Variants in TMC2 observed in about 807,000 individuals in gnomAD.
TMC2 encodes the protein transmembrane channel like 2, also known as transmembrane channel-like protein 2.
Under a neutral mutation model 105.9 loss-of-function variants are expected in TMC2, and 102 were observed. The observed-to-expected ratio is 0.96, with a 90% CI of 0.82 to 1.14. The LOEUF (loss-of-function observed/expected upper bound fraction) is 1.14, where lower values mean the gene tolerates loss of function less well. TMC2 is among the 50% of genes most tolerant of loss of function. The pLI is 0.00. For synonymous variants in TMC2, 402 were observed against 422.8 expected, an observed-to-expected ratio of 0.95 and a Z score of 0.60; for missense variants, 1,093 against 1,134.3, an observed-to-expected ratio of 0.96 and a Z score of 0.52.
chr20:2,608,751 T>A (rs1019761581), intron 11 of TMC2, among the ~76,000 whole-genome samples: 1 of 152,238 alleles, frequency 6.6e-6, no homozygotes, highest in African/African-American at 2.4e-5. Flanking sequence ...ATTTCAGGTA[T>A]GAGTTTAAAT....
At position 2,579,143 on chromosome 20, in the gene TMC2, C is replaced by G. The variant is rs1440132610; in HGVS notation, c.646-3C>G. 6.5e-7 allele frequency: 1 copy of G among 1,545,524 alleles called. No individual in the cohort carries two copies. The highest frequency in any genetic ancestry group is 1.1e-5 in the South Asian group (1 of 89,578). The stretch of plus-strand genomic sequence containing the variant: ...ACTGAGAGTTTTACGTCTTTTATTT[C>G]AGAAATGGGTCAAATTTAAGAGAGA... On this transcript the variant is annotated splice_polypyrimidine_tract_variant and splice_region_variant and intron_variant, in intron 5 of 19. Coordinates refer to ENST00000358864, the MANE Select transcript of TMC2 (RefSeq NM_080751.3).
intron 7 of TMC2, among the ~76,000 whole-genome samples, chr20:2,581,625 T>G (rs1478880723): frequency 2.6e-5 from 4 of 152,226 alleles, no homozygotes; most frequent in African/African-American, 9.6e-5. Context: ...TTCACAAAGC[T>G]CTTGGCTTTC....
Position 2,642,699 on chromosome 20 carries a change from C to T in TMC2, c.*1348C>T, listed in dbSNP as rs762149163. ...GCCTAGGTAGGGTGGGAGTCACAGT[C>T]CAGGACTCTGCAACAGCCCAGCTAT... On this transcript the variant is annotated 3_prime_UTR_variant, in exon 20 of 20. Transcript: ENST00000358864. Among the ~76,000 whole-genome samples the T allele has an allele frequency of 6.6e-6, 1 of 152,158 alleles. No homozygotes were observed. Among genetic ancestry groups the T allele is most frequent in the Non-Finnish European group, 1.5e-5 (1 of 68,026 alleles).
intron 2 of TMC2, among the ~76,000 whole-genome samples, chr20:2,548,825 C>T (rs2085939960): frequency 6.6e-6 from 1 of 151,966 alleles, no homozygotes; most frequent in Admixed American, 6.6e-5. Context: ...TAGTTAAGCA[C>T]AAATTTAGGT....
intron 19 of TMC2, among the ~76,000 whole-genome samples, chr20:2,638,113 G>A (rs559475902): frequency 2.6e-5 from 4 of 151,886 alleles, no homozygotes; most frequent in African/African-American, 7.3e-5. Context: ...AGGCCGACGC[G>A]GGCGGATCAC....
At chr20:2,601,981 G>C in intron 10 of TMC2, 132 bp from the exon 11 acceptor site, 1 of 573,498 alleles carries the variant, frequency 1.7e-6, no homozygotes. Flanking sequence ...ATAGGGCACA[G>C]GGCATTACAT....
At position 2,592,770 on chromosome 20, in the gene TMC2, C is replaced by T. The variant is rs2086278523; in HGVS notation, c.933+362C>T. On this transcript the variant is annotated intron_variant, in intron 8 of 19. Coordinates refer to ENST00000358864, the MANE Select transcript of TMC2 (RefSeq NM_080751.3). The surrounding 1 kb of genome is among the most constrained non-coding windows in gnomAD (Gnocchi z 4.9). ...CCCAAGTTTCACATGACATCTTCAA[C>T]TGAATGTCCTACTTGCTCTTCAAAT... is the stretch of plus-strand genomic sequence containing the variant. Among the ~76,000 whole-genome samples the T allele has an allele frequency of 6.6e-6, 1 of 152,202 alleles. No individual in the cohort carries two copies. The highest frequency in any genetic ancestry group is 6.5e-5 in the Admixed American group (1 of 15,284).
intron 17 of TMC2, 86 bp from the exon 18 acceptor site, chr20:2,635,840 C>A: frequency 9.3e-7 from 1 of 1,069,854 alleles, no homozygotes; most frequent in Non-Finnish European, 1.5e-6. Flanking sequence ...TTCCAGGAAT[C>A]CTGCCCTGAT....
chr20:2,541,198 A>G (rs2085887721), intron 2 of TMC2, among the ~76,000 whole-genome samples: 1 of 152,210 alleles, frequency 6.6e-6, no homozygotes, highest in Non-Finnish European at 1.5e-5. Flanking sequence ...TTGAGCTGTA[A>G]AATATTCCAC....
At chr20:2,591,937 T>C (rs2086272096) in intron 7 of TMC2, among the ~76,000 whole-genome samples, 1 of 152,144 alleles carries the variant, frequency 6.6e-6, no homozygotes, top group Admixed American at 6.5e-5. Flanking sequence ...GTGGATCACC[T>C]GAGGTCAGGG....
At chr20:2,603,934 A>T (rs1468458221) in intron 11 of TMC2, among the ~76,000 whole-genome samples, 1 of 151,866 alleles carries the variant, frequency 6.6e-6, no homozygotes, top group Non-Finnish European at 1.5e-5. Flanking sequence ...GCCAACTAGC[A>T]GTTCTTGAAT....
Position 2,624,316 on chromosome 20 carries a change from C to T in TMC2, c.2226C>T (p.Asn742=), listed in dbSNP as rs1304100769. The T allele has an allele frequency of 1.8e-5, 29 of 1,614,064 alleles. No individual in the cohort carries two copies. The highest frequency in any genetic ancestry group is 4.5e-5 in the East Asian group (2 of 44,892). Residue 742 remains asparagine (N), a synonymous_variant, in exon 17 of 20, where the codon AAC becomes AAT. Coordinates refer to ENST00000358864, the MANE Select transcript of TMC2 (RefSeq NM_080751.3). ...ATGTCCTCCAAGAGACCATTGAAAA[C>T]GATTTCCCAACCTTCCTGGGCAAGA... The part of the protein sequence containing the change: ...MYDVLQETIE[N]DFPTFLGKIF...
intron 4 of TMC2, among the ~76,000 whole-genome samples, chr20:2,564,505 C>T (rs138122767): frequency 3.3e-4 from 51 of 152,330 alleles, no homozygotes; most frequent in African/African-American, 1.2e-3. Flanking sequence ...TGGGCTCCTT[C>T]TCCTGCCAGC....
chr20:2,631,560 C>T (rs1285321764), intron 17 of TMC2, among the ~76,000 whole-genome samples: 1 of 152,212 alleles, frequency 6.6e-6, no homozygotes, highest in Non-Finnish European at 1.5e-5. Context: ...TAGTCTTTCT[C>T]TTTCAATCTT....
At chr20:2,626,397 G>C (rs137977074) in intron 17 of TMC2, among the ~76,000 whole-genome samples, 38 of 152,244 alleles carry the variant, frequency 2.5e-4, no homozygotes, top group African/African-American at 7.9e-4. Context: ...CTCACAAGCT[G>C]CTTGGGCTTC....
chr20:2,632,532 G>A (rs2086610747), intron 17 of TMC2, among the ~76,000 whole-genome samples: 1 of 151,922 alleles, frequency 6.6e-6, no homozygotes, highest in Non-Finnish European at 1.5e-5. Flanking sequence ...TTTTCCCCCT[G>A]TGTATGGGCC....
chr20:2,617,356 G>A (rs756885782), intron 16 of TMC2, 45 bp downstream of exon 16: 4 of 1,611,720 alleles, frequency 2.5e-6, no homozygotes, highest in Non-Finnish European at 3.4e-6. Context: ...TCCCGAGGCA[G>A]TCTGCTCAGA....
rs1263299961 is a variant in TMC2, at chr20:2,592,548, G to A, written c.933+140G>A. On this transcript the variant is annotated intron_variant, in intron 8 of 19. Transcript: ENST00000358864. This position sits in a 1 kb window ranked among gnomAD's most constrained non-coding sequence, Gnocchi z 4.9. Reference sequence around the variant, plus strand: ...TCCCAGCACTAAGCTAAATGAGCTTGCAAACCATGTCTCTGCACAGTCTTC... The same window carrying A: ...TCCCAGCACTAAGCTAAATGAGCTTACAAACCATGTCTCTGCACAGTCTTC... 4.6e-6 allele frequency: 3 copies of A among 653,512 alleles called. No homozygotes were observed. Among genetic ancestry groups the A allele is most frequent in the African/African-American group, 3.6e-5 (2 of 55,506 alleles). 40.5% of individuals were successfully genotyped at this position (653,512 alleles called of 1,614,324 possible). A position where few individuals can be genotyped will look rare whatever the true frequency, so the allele number is the denominator to read the frequency against.
chr20:2,607,479 A>G (rs1027764523), intron 11 of TMC2, among the ~76,000 whole-genome samples: 2 of 152,236 alleles, frequency 1.3e-5, no homozygotes, highest in African/African-American at 4.8e-5. Context: ...GCTCATCTCC[A>G]GATTAACCAA....
Sources: allele counts gnomAD v4.1 joint callset (sites outside exome capture counted in the v4.1 genomes callset), GRCh38; gene constraint gnomAD v4.1.1; non-coding constraint Gnocchi (gnomAD v3.1); transcripts MANE v1.5; gene names NCBI Gene and HGNC (gene_info 2026-07-23, HGNC 2026-07-21).